The following MED13L variants were observed in gnomAD, a reference collection of about 807,000 sequenced individuals.
MED13L encodes the protein mediator complex subunit 13L.
In MED13L, 7 loss-of-function variants were observed where a neutral mutation model predicts 220.9. The ratio of observed to expected loss-of-function variants is 0.03; its 90% confidence interval spans 0.02 to 0.06. The LOEUF (loss-of-function observed/expected upper bound fraction) is 0.06. Among genes scored for constraint, MED13L ranks in the 10% least tolerant of loss-of-function variants. The pLI is 1.00. For missense variants in MED13L, 1,965 were observed against 2,760.5 expected, an observed-to-expected ratio of 0.71 and a Z score of 6.46; for synonymous variants, 1,011 against 1,015.2, an observed-to-expected ratio of 1.00 and a Z score of 0.08.
intron 28 of MED13L, among the ~76,000 whole-genome samples, chr12:115,966,983 C>T (rs973235799): frequency 1.3e-4 from 19 of 151,764 alleles, no homozygotes; most frequent in African/African-American, 3.4e-4. Flanking sequence ...ACCTGCCTGG[C>T]GAACATGGTG....
At chr12:116,198,904 G>A (rs531392117) in intron 2 of MED13L, among the ~76,000 whole-genome samples, 1 of 152,314 alleles carries the variant, frequency 6.6e-6, no homozygotes, top group Admixed American at 6.5e-5. Flanking sequence ...AAGTCATTAA[G>A]TCTTAGTACA....
At chr12:116,063,548 T>C (rs1304848340) in intron 4 of MED13L, among the ~76,000 whole-genome samples, 3 of 151,976 alleles carry the variant, frequency 2.0e-5, no homozygotes, top group Non-Finnish European at 2.9e-5. Context: ...TCAAAAAGCA[T>C]TGTTTGGATA....
At chr12:116,258,721 G>C (rs1872256226) in intron 1 of MED13L, among the ~76,000 whole-genome samples, 1 of 149,606 alleles carries the variant, frequency 6.7e-6, no homozygotes, top group Non-Finnish European at 1.5e-5. Context: ...AGGTTGCACT[G>C]AGCGAGATTA....
intron 17 of MED13L, among the ~76,000 whole-genome samples, chr12:115,988,397 G>A (rs987644900): frequency 1.3e-5 from 2 of 152,138 alleles, no homozygotes; most frequent in Non-Finnish European, 2.9e-5. Context: ...TGGAGCTGAG[G>A]AGCAGCTGTC....
At chr12:116,109,680 C>T (rs1412247782) in intron 3 of MED13L, among the ~76,000 whole-genome samples, 1 of 152,114 alleles carries the variant, frequency 6.6e-6, no homozygotes, top group African/African-American at 2.4e-5. Context: ...GTAAGTTTTC[C>T]ACATTTTCTT....
rs2137561445 is a variant in MED13L, at chr12:116,045,692, C to T, written c.480-23091G>A. Among the ~76,000 whole-genome samples, 2 of 152,120 alleles carry T rather than the reference C, an allele frequency of 1.3e-5. 1 individual carries two copies. The highest frequency in any genetic ancestry group is 4.1e-4 in the South Asian group (2 of 4,832). On this transcript the variant is annotated intron_variant, in intron 4 of 30. Coordinates refer to ENST00000281928, the MANE Select transcript of MED13L (RefSeq NM_015335.5). ...ACATAACAAATTTTCAAGTAAATAA[C>T]ATCATAAACATTAGGATTACCAAAC...
intron 2 of MED13L, among the ~76,000 whole-genome samples, chr12:116,224,494 A>G (rs1868762027): frequency 6.6e-6 from 1 of 152,192 alleles, no homozygotes; most frequent in Non-Finnish European, 1.5e-5. Flanking sequence ...CTCTGTGTGT[A>G]TATACTCTCT....
chr12:116,166,311 G>A (rs777957709), intron 2 of MED13L, among the ~76,000 whole-genome samples: 1 of 152,102 alleles, frequency 6.6e-6, no homozygotes, highest in Non-Finnish European at 1.5e-5. Context: ...AGTGGGCTGG[G>A]GAAAGCAGAT....
At chr12:116,050,723 G>C (rs1868423693) in intron 4 of MED13L, among the ~76,000 whole-genome samples, 1 of 152,144 alleles carries the variant, frequency 6.6e-6, no homozygotes, top group Non-Finnish European at 1.5e-5. Context: ...GATCACATGA[G>C]ATCAAGAGTT....
intron 4 of MED13L, among the ~76,000 whole-genome samples, chr12:116,061,817 C>T (rs1869514291): frequency 6.6e-6 from 1 of 151,940 alleles, no homozygotes; most frequent in Admixed American, 6.6e-5. Context: ...ACCATCCTGG[C>T]TAACACAGTG....
chr12:116,273,748 A>C (rs1873585285), intron 1 of MED13L, among the ~76,000 whole-genome samples: 1 of 152,254 alleles, frequency 6.6e-6, no homozygotes, highest in African/African-American at 2.4e-5. Flanking sequence ...GAGCATACAT[A>C]TCTAAGAACT....
intron 4 of MED13L, among the ~76,000 whole-genome samples, chr12:116,076,494 A>C (rs1369422616): frequency 6.6e-6 from 1 of 152,174 alleles, no homozygotes; most frequent in African/African-American, 2.4e-5. Context: ...CTATCATCAC[A>C]CTATTGCACT....
chr12:116,219,184 A>G (rs1164102145), intron 2 of MED13L, among the ~76,000 whole-genome samples: 1 of 152,212 alleles, frequency 6.6e-6, no homozygotes, highest in Non-Finnish European at 1.5e-5. Context: ...CTTTCTGTAC[A>G]TAACTGGACT....
chr12:116,074,087 C>A (rs1206904454), intron 4 of MED13L, among the ~76,000 whole-genome samples: 2 of 152,166 alleles, frequency 1.3e-5, no homozygotes, highest in African/African-American at 4.8e-5. Flanking sequence ...ATAAAACATA[C>A]TGTTAAACAT....
chr12:115,972,553 C>T (rs1223334274), intron 25 of MED13L: 7 of 373,182 alleles, frequency 1.9e-5, no homozygotes, highest in Non-Finnish European at 2.6e-5. Flanking sequence ...ATGATGACAG[C>T]AGTGTTAGCT....
intron 1 of MED13L, among the ~76,000 whole-genome samples, chr12:116,245,922 GTGCTCAGAACAATGGATT>G (rs1871058380): frequency 6.6e-6 from 1 of 152,140 alleles, no homozygotes; most frequent in Non-Finnish European, 1.5e-5. Flanking sequence ...AGCTCTCTGA[GTGCTCAGAACAATGGATT>G]AAGAAAGACT....
chr12:116,131,592 G>C (rs550312381), intron 2 of MED13L, among the ~76,000 whole-genome samples: 28 of 152,230 alleles, frequency 1.8e-4, no homozygotes, highest in Non-Finnish European at 3.5e-4. Flanking sequence ...AAACTCTCTA[G>C]GTTTTAGGTT....
intron 1 of MED13L, among the ~76,000 whole-genome samples, chr12:116,268,449 T>G (rs900361754): frequency 6.6e-6 from 1 of 152,194 alleles, no homozygotes; most frequent in African/African-American, 2.4e-5. Context: ...TCAGATAAAT[T>G]TAATCATCCT....
intron 1 of MED13L, among the ~76,000 whole-genome samples, chr12:116,268,100 A>G (rs1434700998): frequency 6.6e-6 from 1 of 152,222 alleles, no homozygotes; most frequent in Non-Finnish European, 1.5e-5. Context: ...CTTAACAGAT[A>G]GTTAATGAGC....
Sources: gnomAD v4.1 joint callset for allele counts (sites outside exome capture counted in the v4.1 genomes callset) on GRCh38, gnomAD v4.1.1 for gene constraint, MANE v1.5 for transcripts, NCBI Gene and HGNC (gene_info 2026-07-23, HGNC 2026-07-21) for gene names.